The following LYRM4 variants were observed in gnomAD, a reference collection of about 807,000 sequenced individuals.
The protein encoded by LYRM4 is LYR motif containing 4.
In LYRM4, 9 loss-of-function variants were observed where a neutral mutation model predicts 11.7. That is an observed-to-expected ratio of 0.77 (90% CI 0.46 to 1.34). The LOEUF (loss-of-function observed/expected upper bound fraction) is 1.34, where lower values mean the gene tolerates loss of function less well. LYRM4 is among the 40% of genes most tolerant of loss of function. The pLI is 0.00. For missense variants in LYRM4, 133 were observed against 112.5 expected, an observed-to-expected ratio of 1.18 and a Z score of -0.82; for synonymous variants, 42 against 40.4, an observed-to-expected ratio of 1.04 and a Z score of -0.15.
intron 2 of LYRM4, among the ~76,000 whole-genome samples, chr6:5,213,146 T>C (rs534928534): frequency 9.8e-5 from 15 of 152,314 alleles, no homozygotes; most frequent in African/African-American, 3.4e-4. Context: ...CAGGAGCCCA[T>C]GTCCTTGAAC....
At chr6:5,065,982 A>G in the LYRM4 span, 2 of 295,726 alleles carry the variant, frequency 6.8e-6, no homozygotes. Context: ...GGTCTATTAG[A>G]TTGGCACTGC....
intron 2 of LYRM4, among the ~76,000 whole-genome samples, chr6:5,177,217 A>C (rs1759771073): frequency 6.6e-6 from 1 of 152,226 alleles, no homozygotes; most frequent in Non-Finnish European, 1.5e-5. Context: ...ATCACAGGTG[A>C]GCGTAGAAGA....
At chr6:5,037,538 C>T in the LYRM4 span, among the ~76,000 whole-genome samples, 2,945 of 78,124 alleles carry the variant, frequency 0.038, 100 homozygotes, top group South Asian at 0.14. Flanking sequence ...ACCTCCCAGA[C>T]GGGGTCCTGG....
intron 2 of LYRM4, among the ~76,000 whole-genome samples, chr6:5,134,863 T>A (rs1756985357): frequency 6.6e-6 from 1 of 152,224 alleles, no homozygotes; most frequent in African/African-American, 2.4e-5. Context: ...CCCTATTCCT[T>A]CTCCTTCCTC....
chr6:5,053,739 A>G, the LYRM4 span, among the ~76,000 whole-genome samples: 1 of 152,198 alleles, frequency 6.6e-6, no homozygotes, highest in Admixed American at 6.5e-5. Context: ...TTAACTGTAC[A>G]GACAATTGTA....
intron 2 of LYRM4, chr6:5,144,372 T>C (rs1489590430): frequency 4.0e-6 from 5 of 1,260,900 alleles, no homozygotes; most frequent in Non-Finnish European, 4.4e-6. Flanking sequence ...GTGCGGTGGC[T>C]GAAGCCTGTA....
intron 2 of LYRM4, among the ~76,000 whole-genome samples, chr6:5,200,725 C>T (rs1486641405): frequency 9.9e-5 from 15 of 152,182 alleles, no homozygotes; most frequent in Admixed American, 6.5e-4. Flanking sequence ...GCCACTGGTT[C>T]GCAACTGTGG....
At chr6:5,257,553 G>T (rs1764736210) in intron 1 of LYRM4, among the ~76,000 whole-genome samples, 1 of 152,194 alleles carries the variant, frequency 6.6e-6, no homozygotes, top group South Asian at 2.1e-4. Context: ...GTACTGGTCC[G>T]TGGCCTGTTA....
intron 1 of LYRM4, among the ~76,000 whole-genome samples, chr6:5,221,626 A>C (rs1378466427): frequency 1.3e-5 from 2 of 152,242 alleles, no homozygotes; most frequent in Non-Finnish European, 2.9e-5. Flanking sequence ...CCGGAGGCGG[A>C]AGTTGCAGTG....
chr6:5,131,367 C>G (rs1423548200), intron 2 of LYRM4, among the ~76,000 whole-genome samples: 2 of 152,118 alleles, frequency 1.3e-5, no homozygotes, highest in Non-Finnish European at 2.9e-5. Flanking sequence ...AATGGACAAA[C>G]TAAATACACA....
chr6:5,043,026 C>T, the LYRM4 span: 1 of 152,160 alleles, frequency 6.6e-6, no homozygotes, highest in African/African-American at 2.4e-5. Flanking sequence ...TCATACACTC[C>T]CTAGTGACTT....
chr6:5,177,720 TG>T (rs1379514792), intron 2 of LYRM4, among the ~76,000 whole-genome samples: 1 of 152,340 alleles, frequency 6.6e-6, no homozygotes, highest in East Asian at 1.9e-4. Flanking sequence ...TGCTGTGACT[TG>T]TTATCTTCTC....
chr6:5,122,716 C>A (rs867756894), intron 2 of LYRM4, among the ~76,000 whole-genome samples: 1 of 152,216 alleles, frequency 6.6e-6, no homozygotes, highest in Non-Finnish European at 1.5e-5. Context: ...AGCTGTCCTA[C>A]CTCTGCGCTC....
At chr6:5,128,844 G>A (rs1231872922) in intron 2 of LYRM4, among the ~76,000 whole-genome samples, 6 of 152,296 alleles carry the variant, frequency 3.9e-5, no homozygotes, top group African/African-American at 1.2e-4. Context: ...AGGTGATGCC[G>A]CCAGCACCTG....
At chr6:5,083,498 C>G in the LYRM4 span, among the ~76,000 whole-genome samples, 66 of 152,216 alleles carry the variant, frequency 4.3e-4, no homozygotes, top group Non-Finnish European at 6.9e-4. Context: ...CAGGACATCA[C>G]TCCCAGCCCA....
At chr6:5,223,900 T>C (rs1335374391) in intron 1 of LYRM4, among the ~76,000 whole-genome samples, 2 of 152,220 alleles carry the variant, frequency 1.3e-5, no homozygotes, top group African/African-American at 4.8e-5. Flanking sequence ...AAATGCCTAA[T>C]GGTTTTCCAT....
chr6:5,068,785 A>C, the LYRM4 span, among the ~76,000 whole-genome samples: 1 of 152,192 alleles, frequency 6.6e-6, no homozygotes, highest in Non-Finnish European at 1.5e-5. The surrounding 1 kb of genome is among the most constrained non-coding windows in gnomAD (Gnocchi z 4.0). Context: ...AAGTATTTAA[A>C]AAAAAAAGAA....
intron 2 of LYRM4, among the ~76,000 whole-genome samples, chr6:5,124,103 C>G (rs1409495940): frequency 1.3e-5 from 2 of 152,154 alleles, no homozygotes; most frequent in African/African-American, 4.8e-5. Context: ...CCTCCCAGGT[C>G]CCTGGGGCTG....
intron 2 of LYRM4, among the ~76,000 whole-genome samples, chr6:5,144,907 G>C (rs1486323127): frequency 2.0e-5 from 3 of 152,214 alleles, no homozygotes; most frequent in Admixed American, 2.0e-4. Context: ...GAGACGCTTT[G>C]ACGCGACATG....
Sources: allele counts gnomAD v4.1 joint callset (sites outside exome capture counted in the v4.1 genomes callset), GRCh38; gene constraint gnomAD v4.1.1; non-coding constraint Gnocchi (gnomAD v3.1); transcripts MANE v1.5; gene names NCBI Gene and HGNC (gene_info 2026-07-23, HGNC 2026-07-21).